Variants in FARP1 observed in about 807,000 individuals in gnomAD.
FARP1 encodes FERM, ARHGEF and pleckstrin domain-containing protein 1.
Under a neutral mutation model 128.8 loss-of-function variants are expected in FARP1, and 52 were observed. The ratio of observed to expected loss-of-function variants is 0.40; its 90% CI spans 0.32 to 0.51. The LOEUF (loss-of-function observed/expected upper bound fraction) is 0.51, where lower values mean the gene tolerates loss of function less well. Among genes scored for constraint, FARP1 ranks in the 20% least tolerant of loss-of-function variants. The pLI is 0.45. For synonymous variants in FARP1, 580 were observed against 551.8 expected (o/e 1.05, Z -0.72); for missense variants, 1,333 against 1,367.9 (o/e 0.97, Z 0.40).
chr13:98,205,927 A>G (rs7317998), intron 1 of FARP1, among the ~76,000 whole-genome samples: 1,619 of 152,128 alleles, frequency 0.011, 25 homozygotes, highest in African/African-American at 0.037. Flanking sequence ...GTTTTTGTCT[A>G]TGGAATCAGT....
intron 5 of FARP1, among the ~76,000 whole-genome samples, chr13:98,368,415 T>C (rs1266338034): frequency 6.6e-6 from 1 of 152,250 alleles, no homozygotes; most frequent in Non-Finnish European, 1.5e-5. Context: ...GGTTGTGATA[T>C]GAAGTGAATC....
intron 2 of FARP1, among the ~76,000 whole-genome samples, chr13:98,324,299 G>T (rs145894136): frequency 3.9e-5 from 6 of 152,280 alleles, no homozygotes; most frequent in African/African-American, 2.4e-5. Context: ...AAATCTTGGC[G>T]TGTCTACTCC....
At chr13:98,210,043 A>T (rs944621015) in intron 1 of FARP1, among the ~76,000 whole-genome samples, 17 of 151,680 alleles carry the variant, frequency 1.1e-4, no homozygotes, top group African/African-American at 3.9e-4. Context: ...AATAAAAAAA[A>T]CTTTGTTGAT....
Position 98,376,396 on chromosome 13 carries a change from T to G in FARP1, c.399-1425T>G, listed in dbSNP as rs1459947045. ...GAAGTTTGTTTTTCTGTGCCTGGCT[T>G]ATTTCACTTAACATAATGACCTCCA... On this transcript the variant is annotated intron_variant, in intron 5 of 26. Coordinates refer to ENST00000319562, the MANE Select transcript of FARP1 (RefSeq NM_005766.4). Among the ~76,000 whole-genome samples, 7 of 152,212 alleles carry G rather than the reference T, an allele frequency of 4.6e-5. No homozygotes were observed. In the East Asian group the frequency reaches 1.3e-3, roughly 29 times the overall value.
chr13:98,315,559 G>C (rs1886683877), intron 2 of FARP1, among the ~76,000 whole-genome samples: 1 of 152,230 alleles, frequency 6.6e-6, no homozygotes, highest in African/African-American at 2.4e-5. Flanking sequence ...TGTGAGAACA[G>C]GTGGCCTTTC....
intron 2 of FARP1, among the ~76,000 whole-genome samples, chr13:98,273,543 G>T (rs1248825198): frequency 6.6e-6 from 1 of 152,194 alleles, no homozygotes. Context: ...TTGTTCAGTT[G>T]GTGGAGGGCT....
At chr13:98,335,581 C>T (rs559666617) in intron 2 of FARP1, among the ~76,000 whole-genome samples, 13 of 152,246 alleles carry the variant, frequency 8.5e-5, no homozygotes, top group Non-Finnish European at 1.2e-4. Flanking sequence ...ACAGCCAAAC[C>T]GTATCACTGA....
At chr13:98,244,168 G>A (rs1882932057) in intron 2 of FARP1, among the ~76,000 whole-genome samples, 1 of 152,090 alleles carries the variant, frequency 6.6e-6, no homozygotes, top group Non-Finnish European at 1.5e-5. Flanking sequence ...ACAGAATTGG[G>A]TACAATTAGT....
At chr13:98,315,969 C>T (rs1886701249) in intron 2 of FARP1, among the ~76,000 whole-genome samples, 2 of 152,232 alleles carry the variant, frequency 1.3e-5, no homozygotes, top group African/African-American at 4.8e-5. Context: ...CTCCTATGGA[C>T]AGTATCACCA....
intron 2 of FARP1, among the ~76,000 whole-genome samples, chr13:98,267,411 C>T (rs1455635688): frequency 1.3e-5 from 2 of 152,172 alleles, no homozygotes; most frequent in Non-Finnish European, 2.9e-5. Flanking sequence ...GTAGCCTGTC[C>T]AGACTGTTTT....
At chr13:98,213,470 G>A in intron 2 of FARP1, 57 bp downstream of exon 2, 2 of 1,561,236 alleles carry the variant, frequency 1.3e-6, no homozygotes, top group Non-Finnish European at 1.7e-6. Context: ...CCTTTGGTGT[G>A]AGGAGGTTCG....
intron 1 of FARP1, among the ~76,000 whole-genome samples, chr13:98,143,785 C>T (rs994304450): frequency 2.0e-5 from 3 of 151,668 alleles, no homozygotes; most frequent in Admixed American, 6.6e-5. Context: ...CCGCGCCGGT[C>T]CCCGCTCGCC....
intron 13 of FARP1, chr13:98,402,696 A>T (rs28477850): frequency 6.6e-6 from 1 of 152,210 alleles, no homozygotes; most frequent in Non-Finnish European, 1.5e-5. Context: ...AGAATGGCTG[A>T]TGGATAAATC....
At chr13:98,380,598 TAGAC>T (rs958560969) in intron 6 of FARP1, among the ~76,000 whole-genome samples, 7 of 152,168 alleles carry the variant, frequency 4.6e-5, no homozygotes, top group African/African-American at 1.7e-4. Context: ...ATTTTTTTTT[TAGAC>T]AGTCTCTGTC....
intron 2 of FARP1, among the ~76,000 whole-genome samples, chr13:98,304,259 G>T (rs1174165681): frequency 2.6e-5 from 4 of 152,118 alleles, no homozygotes; most frequent in East Asian, 1.9e-4. Context: ...TGGAGTGTAG[G>T]ACTTCCAGCT....
chr13:98,423,774 A>G (rs1313484400), intron 16 of FARP1, among the ~76,000 whole-genome samples: 1 of 152,198 alleles, frequency 6.6e-6, no homozygotes, highest in East Asian at 1.9e-4. Flanking sequence ...CATGACTATA[A>G]TTAACTTAGC....
chr13:98,435,616 C>A lies in FARP1; in HGVS notation c.2184C>A (p.His728Gln). Residue 728 changes from histidine (H) to glutamine (Q), a missense_variant, in exon 19 of 27, where the codon CAC (histidine) becomes CAA (glutamine). Around this residue, in one of 2 missense-constraint regions of FARP1, gnomAD observed 1,009 missense variants for 969.8 expected, o/e 1.04. Transcript: ENST00000319562. ...TCACGGAGATGGTGGCACAGCTCCA[C>A]GGTACGATGATCAAGATGGAGAATT... ...AEITEMVAQL[H>Q]GTMIKMENFQ... 1 of 1,613,636 alleles carries A rather than the reference C, an allele frequency of 6.2e-7. No homozygotes were observed. Among genetic ancestry groups the A allele is most frequent in the Non-Finnish European group, 8.5e-7 (1 of 1,179,696 alleles).
At chr13:98,235,848 A>T (rs1332570803) in intron 2 of FARP1, among the ~76,000 whole-genome samples, 2 of 141,234 alleles carry the variant, frequency 1.4e-5, no homozygotes, top group Non-Finnish European at 3.0e-5. Flanking sequence ...CCTGAGACAG[A>T]GTTTCGCTCT....
intron 5 of FARP1, among the ~76,000 whole-genome samples, chr13:98,376,016 A>G (rs73567671): frequency 5.3e-5 from 8 of 152,292 alleles, no homozygotes; most frequent in Admixed American, 1.3e-4. Flanking sequence ...CTAAAAATCT[A>G]TGAGTTTGTA....
Sources: allele counts gnomAD v4.1 joint callset (sites outside exome capture counted in the v4.1 genomes callset), GRCh38; gene constraint gnomAD v4.1.1; regional missense constraint gnomAD v4.1.1; transcripts MANE v1.5; gene names NCBI Gene and HGNC (gene_info 2026-07-23, HGNC 2026-07-21).